SUCLG2: variants seen among roughly 807,000 people sequenced by gnomAD.
SUCLG2 encodes succinate-CoA ligase GDP-forming subunit beta.
In SUCLG2, 42 loss-of-function variants were observed where a neutral mutation model predicts 47.9. The observed-to-expected ratio is 0.88, with a 90% CI of 0.69 to 1.14. The LOEUF (loss-of-function observed/expected upper bound fraction) is 1.14. SUCLG2 is among the 50% of genes most tolerant of loss of function. The pLI, the probability that SUCLG2 is intolerant of heterozygous loss-of-function variation, is 0.00. For synonymous variants in SUCLG2, 195 were observed against 197.3 expected (o/e 0.99, Z 0.10); for missense variants, 571 against 525.9 (o/e 1.09, Z -0.84).
chr3:67,475,645 C>T (rs1371739854), intron 9 of SUCLG2, among the ~76,000 whole-genome samples: 1 of 152,074 alleles, frequency 6.6e-6, no homozygotes, highest in African/African-American at 2.4e-5. Flanking sequence ...TATGACATAC[C>T]GACTTTACAT....
At chr3:67,428,693 A>C (rs1477689185) in intron 9 of SUCLG2, among the ~76,000 whole-genome samples, 1 of 152,204 alleles carries the variant, frequency 6.6e-6, no homozygotes, top group East Asian at 1.9e-4. Flanking sequence ...AAAGAAGCTA[A>C]AAACCTTGAA....
chr3:67,584,024 AG>A (rs1314272553), intron 2 of SUCLG2, among the ~76,000 whole-genome samples: 1 of 152,196 alleles, frequency 6.6e-6, no homozygotes, highest in African/African-American at 2.4e-5. Context: ...TAGGGGTAAA[AG>A]TCTTGGGGCC....
At chr3:67,547,315 ATAGGCCAC>A (rs1706892258) in intron 2 of SUCLG2, among the ~76,000 whole-genome samples, 3 of 152,254 alleles carry the variant, frequency 2.0e-5, no homozygotes, top group African/African-American at 7.2e-5. Flanking sequence ...TCTGTTGTTT[ATAGGCCAC>A]CCAGTCTCTG....
chr3:67,465,189 C>A (rs1704440829), intron 9 of SUCLG2, among the ~76,000 whole-genome samples: 1 of 152,164 alleles, frequency 6.6e-6, no homozygotes, highest in Non-Finnish European at 1.5e-5. Context: ...ATGCGTACTC[C>A]TATCTTTGTC....
intron 7 of SUCLG2, among the ~76,000 whole-genome samples, chr3:67,506,748 G>T (rs1705648781): frequency 6.6e-6 from 1 of 152,188 alleles, no homozygotes; most frequent in Admixed American, 6.5e-5. Flanking sequence ...AGCAATATAT[G>T]ACCTTTAAGA....
chr3:67,391,001 A>G (rs1702367712), intron 10 of SUCLG2, among the ~76,000 whole-genome samples: 1 of 152,220 alleles, frequency 6.6e-6, no homozygotes, highest in Non-Finnish European at 1.5e-5. Flanking sequence ...TAATATATTA[A>G]TAATAAACCT....
chr3:67,424,408 A>G (rs2106867512), intron 9 of SUCLG2, among the ~76,000 whole-genome samples: 1 of 152,302 alleles, frequency 6.6e-6, no homozygotes, highest in East Asian at 1.9e-4. Flanking sequence ...GACTCTAGTC[A>G]CCAACATCCC....
intron 2 of SUCLG2, among the ~76,000 whole-genome samples, chr3:67,583,654 C>T (rs940422131): frequency 1.3e-5 from 2 of 152,190 alleles, no homozygotes; most frequent in Non-Finnish European, 2.9e-5. Flanking sequence ...AACTATGATT[C>T]TTATTTGCAG....
rs1702667047 is a variant in SUCLG2 at position 67,400,821 on chromosome 3, C to T, written c.1093G>A (p.Gly365Ser). 6.2e-7 allele frequency: 1 copy of T among 1,612,382 alleles called. No homozygotes were observed. Residue 365 changes from glycine (G) to serine (S), a missense_variant, in exon 10 of 11, where the codon GGT becomes AGT. Physicochemically the swap from Gly to Ser is moderately conservative, Grantham distance 56. Coordinates refer to ENST00000307227, the MANE Select transcript of SUCLG2 (RefSeq NM_003848.4). ...VEAILVNIFG[G>S]IVNCAIIANG... ...GCAATGATGGCACAGTTGACGATAC[C>T]ACCAAATATATTGACAAGGATGGCT...
intron 2 of SUCLG2, among the ~76,000 whole-genome samples, chr3:67,587,384 G>C (rs950559675): frequency 2.0e-5 from 3 of 152,352 alleles, no homozygotes; most frequent in Non-Finnish European, 4.4e-5. Context: ...ACATGAGTGA[G>C]GGCCTATCAT....
chr3:67,485,634 A>G (rs1306795686), intron 9 of SUCLG2, among the ~76,000 whole-genome samples: 1 of 152,236 alleles, frequency 6.6e-6, no homozygotes, highest in Non-Finnish European at 1.5e-5. Flanking sequence ...GTATTACAGG[A>G]ATACAATTAG....
chr3:67,560,956 A>G (rs1320291855), intron 2 of SUCLG2, among the ~76,000 whole-genome samples: 1 of 150,384 alleles, frequency 6.6e-6, no homozygotes, highest in Non-Finnish European at 1.5e-5. Context: ...CACTCACAAA[A>G]TGAATATAAA....
intron 2 of SUCLG2, among the ~76,000 whole-genome samples, chr3:67,592,315 G>C (rs2107279733): frequency 6.6e-6 from 1 of 152,172 alleles, no homozygotes; most frequent in Middle Eastern, 3.4e-3. Flanking sequence ...CACATTCAAG[G>C]GTGCAAGGAA....
chr3:67,393,836 C>T (rs1020687670), intron 10 of SUCLG2, among the ~76,000 whole-genome samples: 2 of 152,196 alleles, frequency 1.3e-5, no homozygotes, highest in East Asian at 1.9e-4. Flanking sequence ...TCCAGAGGAA[C>T]GATCAGACAG....
At chr3:67,610,905 C>G (rs1364669862) in intron 1 of SUCLG2, among the ~76,000 whole-genome samples, 1 of 152,130 alleles carries the variant, frequency 6.6e-6, no homozygotes, top group African/African-American at 2.4e-5. Context: ...CTCTATACCC[C>G]CACTACTAGA....
At chr3:67,646,500 C>T (rs939737742) in intron 1 of SUCLG2, among the ~76,000 whole-genome samples, 1 of 151,990 alleles carries the variant, frequency 6.6e-6, no homozygotes, top group African/African-American at 2.4e-5. Context: ...GAGGCTGAGT[C>T]AGGAGAATCA....
Position 67,559,059 on chromosome 3 carries a change from T to C in SUCLG2, c.227-29873A>G, listed in dbSNP as rs74847934. Reference sequence around the variant, plus strand: ...AGTTTTTATGTGGGAGCAAATAATATCACAATGTATTAATAGATTTACTCT... The same window carrying C: ...AGTTTTTATGTGGGAGCAAATAATACCACAATGTATTAATAGATTTACTCT... On this transcript the variant is annotated intron_variant, in intron 2 of 10. Transcript: ENST00000307227. Among the ~76,000 whole-genome samples the C allele has an allele frequency of 4.3e-3, 659 of 152,304 alleles. 10 individuals are homozygous for C. In the East Asian group the frequency reaches 0.051, roughly 12 times the overall value.
intron 7 of SUCLG2, among the ~76,000 whole-genome samples, chr3:67,501,947 TA>T (rs1705505594): frequency 6.6e-6 from 1 of 152,160 alleles, no homozygotes; most frequent in African/African-American, 2.4e-5. Flanking sequence ...AAATCAGCAG[TA>T]GTAAGTAAAG....
At chr3:67,503,459 C>T (rs1413163441) in intron 7 of SUCLG2, among the ~76,000 whole-genome samples, 2 of 152,174 alleles carry the variant, frequency 1.3e-5, no homozygotes, top group African/African-American at 2.4e-5. Context: ...CTTGAATTGA[C>T]GTGTTAAAAA....
Sources: gnomAD v4.1 joint callset for allele counts (sites outside exome capture counted in the v4.1 genomes callset) on GRCh38, gnomAD v4.1.1 for gene constraint, MANE v1.5 for transcripts, NCBI Gene and HGNC (gene_info 2026-07-23, HGNC 2026-07-21) for gene names.